The following FHIT variants were observed in gnomAD, a reference collection of about 807,000 sequenced individuals.
The protein encoded by FHIT is bis(5'-adenosyl)-triphosphatase.
FHIT carries 19 observed loss-of-function variants against 17.9 expected under a neutral mutation model. The ratio of observed to expected loss-of-function variants is 1.06; its 90% CI spans 0.74 to 1.56. The LOEUF (loss-of-function observed/expected upper bound fraction) is 1.56. FHIT is among the 40% of genes most tolerant of loss of function. The pLI, the probability that FHIT is intolerant of heterozygous loss-of-function variation, is 0.00. For missense variants in FHIT, 248 were observed against 189.2 expected (o/e 1.31, Z -1.82); for synonymous variants, 81 against 69.7 (o/e 1.16, Z -0.81).
At chr3:59,991,852 A>G (rs1699282623) in intron 7 of FHIT, among the ~76,000 whole-genome samples, 1 of 152,028 alleles carries the variant, frequency 6.6e-6, no homozygotes, top group Non-Finnish European at 1.5e-5. Flanking sequence ...AGAAACACAG[A>G]GGGAGAGAGA....
intron 4 of FHIT, among the ~76,000 whole-genome samples, chr3:60,753,474 A>G (rs2042509794): frequency 6.6e-6 from 1 of 152,216 alleles, no homozygotes; most frequent in Non-Finnish European, 1.5e-5. Flanking sequence ...TCTGGAATTC[A>G]ATAATCTCAC....
chr3:59,855,783 TTTG>T (rs1702129008), intron 8 of FHIT, among the ~76,000 whole-genome samples: 1 of 148,610 alleles, frequency 6.7e-6, no homozygotes, highest in Non-Finnish European at 1.5e-5. Context: ...TAAACCTTTT[TTTG>T]TTTTTTTTTT....
At chr3:60,332,646 T>A (rs536320132) in intron 5 of FHIT, among the ~76,000 whole-genome samples, 1 of 152,290 alleles carries the variant, frequency 6.6e-6, no homozygotes, top group Admixed American at 6.5e-5. Context: ...ATGCTATTAT[T>A]CTGTCCCTAG....
At chr3:60,198,163 T>A (rs776843294) in intron 5 of FHIT, among the ~76,000 whole-genome samples, 19 of 151,930 alleles carry the variant, frequency 1.3e-4, no homozygotes, top group Admixed American at 7.2e-4. Flanking sequence ...CAGAGTAGAG[T>A]TCTGAGACTC....
intron 8 of FHIT, among the ~76,000 whole-genome samples, chr3:59,916,412 A>G (rs1379374467): frequency 6.6e-6 from 1 of 152,076 alleles, no homozygotes; most frequent in Non-Finnish European, 1.5e-5. Context: ...CCGCTTGCAG[A>G]TGGCCTATTG....
At chr3:59,960,737 C>A (rs141303866) in intron 7 of FHIT, among the ~76,000 whole-genome samples, 1 of 152,282 alleles carries the variant, frequency 6.6e-6, no homozygotes, top group African/African-American at 2.4e-5. Context: ...CTTCCTCTTG[C>A]GTTTCAATAA....
chr3:60,450,982 G>C (rs974911912), intron 5 of FHIT, among the ~76,000 whole-genome samples: 1 of 152,070 alleles, frequency 6.6e-6, no homozygotes, highest in Non-Finnish European at 1.5e-5. Flanking sequence ...GCTTTCAATA[G>C]TTTAGAGTTA....
intron 8 of FHIT, among the ~76,000 whole-genome samples, chr3:59,907,768 A>G (rs1426031730): frequency 6.6e-6 from 1 of 152,246 alleles, no homozygotes; most frequent in Non-Finnish European, 1.5e-5. Context: ...ATTATCTTAC[A>G]GCACTGGAGG....
chr3:60,506,451 AT>A (rs2034734031), intron 5 of FHIT, among the ~76,000 whole-genome samples: 1 of 152,202 alleles, frequency 6.6e-6, no homozygotes, highest in Admixed American at 6.5e-5. Context: ...GCAGATAATC[AT>A]TTGTCTGAAA....
In FHIT at chr3:59,849,234, G is replaced by A. The variant is rs2367084; in HGVS notation, c.348+73112C>T. ...TTAAAAATACAAAAATTAGACAGGT[G>A]TTGTGGTGCACGTCTGTAATCCCAG... On this transcript the variant is annotated intron_variant, in intron 8 of 9. Coordinates refer to ENST00000492590, the MANE Select transcript of FHIT (RefSeq NM_002012.4). 4.3e-3 allele frequency among the ~76,000 whole-genome samples: 651 copies of A among 152,170 alleles called. 6 individuals carry two copies. The highest frequency in any genetic ancestry group is 0.015 in the African/African-American group (625 of 41,512).
At chr3:60,366,279 G>A (rs111924977) in intron 5 of FHIT, among the ~76,000 whole-genome samples, 13 of 152,024 alleles carry the variant, frequency 8.6e-5, no homozygotes, top group African/African-American at 2.4e-4. Flanking sequence ...GGGTTCAAGC[G>A]ATTCTCCTGC....
At chr3:60,751,164 C>T (rs1252241490) in intron 4 of FHIT, among the ~76,000 whole-genome samples, 1 of 152,202 alleles carries the variant, frequency 6.6e-6, no homozygotes, top group East Asian at 1.9e-4. Context: ...AGAGTGTTTA[C>T]TGTGGAAGTA....
At chr3:60,029,907 G>GTGTGTC (rs1700926565) in intron 5 of FHIT, among the ~76,000 whole-genome samples, 1 of 132,546 alleles carries the variant, frequency 7.5e-6, no homozygotes, top group African/African-American at 3.2e-5. Flanking sequence ...CTGTGTGTGT[G>GTGTGTC]TGTGTGTGTG....
At chr3:60,989,932 C>T (rs777367680) in intron 3 of FHIT, among the ~76,000 whole-genome samples, 6 of 152,212 alleles carry the variant, frequency 3.9e-5, no homozygotes, top group South Asian at 2.1e-4. Flanking sequence ...AGGCAAGGGA[C>T]GCAATTTGAT....
intron 3 of FHIT, among the ~76,000 whole-genome samples, chr3:61,020,433 CT>C (rs1431501018): frequency 6.6e-6 from 1 of 151,966 alleles, no homozygotes; most frequent in African/African-American, 2.4e-5. Flanking sequence ...GATTCTGGAT[CT>C]TAGCACTTTG....
At position 61,121,208 on chromosome 3, in the gene FHIT, G is replaced by C. The variant is rs563213940; in HGVS notation, c.-163-79109C>G. On this transcript the variant is annotated intron_variant, in intron 2 of 9. Coordinates refer to ENST00000492590, the MANE Select transcript of FHIT (RefSeq NM_002012.4). ...CAGGAGAACTTCCTCAACCTAGCAA[G>C]GCAGGTCAACATTCAAATTCAGGAA... 6.6e-5 allele frequency among the ~76,000 whole-genome samples: 10 copies of C among 152,220 alleles called. No homozygotes were observed. The East Asian group carries it at 1.7e-3, about 27-fold the overall frequency.
At chr3:60,907,334 C>T (rs1357325083) in intron 3 of FHIT, among the ~76,000 whole-genome samples, 1 of 152,126 alleles carries the variant, frequency 6.6e-6, no homozygotes, top group Non-Finnish European at 1.5e-5. Flanking sequence ...ATTCCACAAT[C>T]ACTGGGTCGG....
intron 5 of FHIT, among the ~76,000 whole-genome samples, chr3:60,332,024 C>A (rs796780126): frequency 6.6e-6 from 1 of 151,914 alleles, no homozygotes; most frequent in East Asian, 1.9e-4. Context: ...GGGGTGTATC[C>A]AACAAGGGAG....
chr3:60,648,184 C>T, intron 4 of FHIT, among the ~76,000 whole-genome samples: 1 of 152,168 alleles, frequency 6.6e-6, no homozygotes, highest in East Asian at 1.9e-4. Context: ...CTAGGTATCA[C>T]TTATCAATGA....
Sources: gnomAD v4.1 joint callset for allele counts (sites outside exome capture counted in the v4.1 genomes callset) on GRCh38, gnomAD v4.1.1 for gene constraint, MANE v1.5 for transcripts, NCBI Gene and HGNC (gene_info 2026-07-23, HGNC 2026-07-21) for gene names.